TTC28: variants seen among roughly 807,000 people sequenced by gnomAD.
TTC28 encodes the protein tetratricopeptide repeat protein 28.
In TTC28, 61 loss-of-function variants were observed where a neutral mutation model predicts 198.0. The observed-to-expected ratio is 0.31, with a 90% confidence interval of 0.25 to 0.38. The LOEUF is 0.38. Ranked by LOEUF, TTC28 falls within the 10% of genes least tolerant of loss-of-function variation. TTC28 has a pLI of 1.00. For missense variants in TTC28, 2,678 were observed against 3,164.0 expected (o/e 0.85, Z 3.69); for synonymous variants, 1,171 against 1,297.8 (o/e 0.90, Z 2.10).
At chr22:28,196,096 C>T (rs970441630) in intron 5 of TTC28, among the ~76,000 whole-genome samples, 9 of 151,772 alleles carry the variant, frequency 5.9e-5, no homozygotes, top group Admixed American at 1.3e-4. Context: ...GAGATATAGA[C>T]CAATGGAACA....
At chr22:28,170,149 C>G (rs1055234320) in intron 5 of TTC28, among the ~76,000 whole-genome samples, 1 of 152,132 alleles carries the variant, frequency 6.6e-6, no homozygotes, top group Non-Finnish European at 1.5e-5. Flanking sequence ...TATTACATCT[C>G]TGTTAATACC....
At chr22:28,623,396 A>C (rs150554157) in intron 2 of TTC28, among the ~76,000 whole-genome samples, 1 of 152,360 alleles carries the variant, frequency 6.6e-6, no homozygotes, top group African/African-American at 2.4e-5. Flanking sequence ...ATGAAGCAAA[A>C]CTTGACAATA....
intron 19 of TTC28, 77 bp from the exon 20 acceptor site, chr22:27,990,889 C>T (rs1937377551): frequency 7.0e-7 from 1 of 1,424,496 alleles, no homozygotes; most frequent in Non-Finnish European, 9.5e-7. Flanking sequence ...GGCTGTTATG[C>T]AACATGAGCT....
At chr22:28,214,333 A>G (rs1350385336) in intron 5 of TTC28, among the ~76,000 whole-genome samples, 1 of 152,234 alleles carries the variant, frequency 6.6e-6, no homozygotes, top group African/African-American at 2.4e-5. Flanking sequence ...CTACCATCAG[A>G]GTGAACAGGC....
At chr22:28,274,974 C>CT (rs1410604027) in intron 5 of TTC28, among the ~76,000 whole-genome samples, 11 of 59,406 alleles carry the variant, frequency 1.9e-4, no homozygotes, top group African/African-American at 4.3e-4. Flanking sequence ...GTGAGACTGT[C>CT]TTAAAAAAAA....
intron 2 of TTC28, among the ~76,000 whole-genome samples, chr22:28,623,388 G>C (rs890975706): frequency 6.6e-6 from 1 of 152,132 alleles, no homozygotes; most frequent in African/African-American, 2.4e-5. Flanking sequence ...CAATATATAT[G>C]AAGCAAAACT....
chr22:28,268,249 T>G (rs1248338275), intron 5 of TTC28, among the ~76,000 whole-genome samples: 1 of 152,226 alleles, frequency 6.6e-6, no homozygotes, highest in African/African-American at 2.4e-5. Flanking sequence ...TAGCTCATTC[T>G]TTCCAAGGCT....
chr22:28,443,827 G>A (rs1043051784), intron 2 of TTC28, among the ~76,000 whole-genome samples: 2 of 152,010 alleles, frequency 1.3e-5, no homozygotes, highest in Non-Finnish European at 2.9e-5. Context: ...ACACCTAAGC[G>A]GTCAGGAAAT....
intron 2 of TTC28, among the ~76,000 whole-genome samples, chr22:28,489,745 A>C (rs2048351984): frequency 6.6e-6 from 1 of 152,092 alleles, no homozygotes; most frequent in Non-Finnish European, 1.5e-5. Context: ...ATACAGTGAG[A>C]TCTCATCTCC....
intron 6 of TTC28, among the ~76,000 whole-genome samples, chr22:28,129,929 G>C (rs1943018590): frequency 6.6e-6 from 1 of 152,182 alleles, no homozygotes; most frequent in Non-Finnish European, 1.5e-5. Context: ...CAGGAGATGA[G>C]ATGCTGTTGA....
chr22:28,181,023 T>C (rs1435581772), intron 5 of TTC28, among the ~76,000 whole-genome samples: 1 of 152,184 alleles, frequency 6.6e-6, no homozygotes, highest in Non-Finnish European at 1.5e-5. Context: ...ACCTTAATAG[T>C]GGGAATAGTT....
intron 6 of TTC28, among the ~76,000 whole-genome samples, chr22:28,141,544 T>G (rs759350444): frequency 4.6e-5 from 7 of 152,146 alleles, no homozygotes; most frequent in Non-Finnish European, 7.3e-5. Context: ...TCTTTCATGA[T>G]CTGGGTGGTA....
At chr22:28,358,236 C>T (rs746407694) in intron 2 of TTC28, among the ~76,000 whole-genome samples, 2 of 152,210 alleles carry the variant, frequency 1.3e-5, no homozygotes, top group Non-Finnish European at 2.9e-5. Context: ...ACCGACCCTT[C>T]ACACTGTCTG....
intron 2 of TTC28, among the ~76,000 whole-genome samples, chr22:28,467,927 A>G (rs1050466224): frequency 4.6e-5 from 7 of 151,740 alleles, no homozygotes; most frequent in Non-Finnish European, 1.0e-4. Flanking sequence ...GCGCCCGGCT[A>G]ATTTTTTTCT....
intron 5 of TTC28, among the ~76,000 whole-genome samples, chr22:28,278,146 G>A (rs1326259999): frequency 6.6e-6 from 1 of 152,026 alleles, no homozygotes; most frequent in African/African-American, 2.4e-5. Context: ...TTATCAAGCA[G>A]AAGGCTTTTG....
chr22:28,626,958 A>T (rs933774204), intron 2 of TTC28, among the ~76,000 whole-genome samples: 6 of 152,154 alleles, frequency 3.9e-5, no homozygotes, highest in Non-Finnish European at 8.8e-5. Context: ...AGAAGTAGAA[A>T]TGATAAAGAA....
chr22:28,329,864 C>A (rs2045588404), intron 2 of TTC28, among the ~76,000 whole-genome samples: 1 of 152,186 alleles, frequency 6.6e-6, no homozygotes, highest in Non-Finnish European at 1.5e-5. Context: ...CCTAACATTT[C>A]TTACCCAAGA....
intron 2 of TTC28, among the ~76,000 whole-genome samples, chr22:28,517,391 T>G (rs2048810061): frequency 6.6e-6 from 1 of 152,208 alleles, no homozygotes; most frequent in Admixed American, 6.5e-5. Flanking sequence ...TCCAGTCAGC[T>G]TTTGCCCAAC....
At chr22:28,345,295 A>AC (rs2045888084) in intron 2 of TTC28, among the ~76,000 whole-genome samples, 3 of 152,148 alleles carry the variant, frequency 2.0e-5, no homozygotes, top group South Asian at 2.1e-4. Flanking sequence ...CCAAAGCTAG[A>AC]CCCCCAAAAT....
Sources: allele counts gnomAD v4.1 joint callset (sites outside exome capture counted in the v4.1 genomes callset), GRCh38; gene constraint gnomAD v4.1.1; transcripts MANE v1.5; gene names NCBI Gene and HGNC (gene_info 2026-07-23, HGNC 2026-07-21).